The following ARHGEF12 variants were observed in gnomAD, a reference collection of about 807,000 sequenced individuals.
ARHGEF12 encodes Rho guanine nucleotide exchange factor 12, also known as KMT2A/ARHGEF12 fusion protein.
A neutral mutation model predicts 211.2 loss-of-function variants in ARHGEF12; 66 were observed. The observed-to-expected ratio is 0.31, with a 90% CI of 0.26 to 0.38. ARHGEF12 has a LOEUF of 0.38. Ranked by LOEUF, ARHGEF12 falls within the 10% of genes least tolerant of loss-of-function variation. ARHGEF12 has a pLI of 1.00. For synonymous variants in ARHGEF12, 592 were observed against 638.4 expected, an observed-to-expected ratio of 0.93 and a Z score of 1.09; for missense variants, 1,429 against 1,869.5, an observed-to-expected ratio of 0.76 and a Z score of 4.34.
intron 10 of ARHGEF12, among the ~76,000 whole-genome samples, chr11:120,431,239 G>A (rs1003598112): frequency 2.3e-4 from 35 of 151,988 alleles, no homozygotes; most frequent in Admixed American, 7.9e-4. Context: ...ACAGTGAGCC[G>A]AGATCCTGCC....
intron 14 of ARHGEF12, 62 bp from the exon 15 acceptor site, chr11:120,442,042 C>G (rs1945882252): frequency 1.6e-6 from 2 of 1,247,460 alleles, no homozygotes; most frequent in Non-Finnish European, 2.3e-6. Context: ...CAATGGTGAC[C>G]TAGCAAATTA....
intron 1 of ARHGEF12, among the ~76,000 whole-genome samples, chr11:120,372,912 A>G (rs1049815721): frequency 6.6e-6 from 1 of 152,168 alleles, no homozygotes; most frequent in African/African-American, 2.4e-5. Flanking sequence ...AGGTCACTCT[A>G]ACTGAGGAAC....
At chr11:120,416,408 A>T (rs1351573960) in intron 4 of ARHGEF12, among the ~76,000 whole-genome samples, 1 of 152,204 alleles carries the variant, frequency 6.6e-6, no homozygotes, top group Admixed American at 6.5e-5. Context: ...AGTAAGGGTG[A>T]TACAGTAGGA....
chr11:120,482,484 C>T (rs548592702), intron 39 of ARHGEF12, among the ~76,000 whole-genome samples: 4 of 152,262 alleles, frequency 2.6e-5, no homozygotes, highest in South Asian at 4.1e-4. Context: ...CGGTGGCTCA[C>T]GCCTGTAATT....
At position 120,487,869 on chromosome 11, in the gene ARHGEF12, T is replaced by C. The variant is rs938332671; in HGVS notation, c.*2792T>C. 3.6e-5 allele frequency: 8 copies of C among 219,948 alleles called. No homozygotes were observed. Among genetic ancestry groups the C allele is most frequent in the Non-Finnish European group, 6.4e-5 (7 of 109,798 alleles). The allele number at this position is 219,948 out of a possible 1,614,324, so 13.6% of individuals were successfully genotyped here. A position where few individuals can be genotyped will look rare whatever the true frequency, so the allele number is the denominator to read the frequency against. Reference sequence around the variant, plus strand: ...CCCAAAGTGCTGTAATTTAACATCATGATTACCACCTTCGAAGCTATATAT... The same window carrying C: ...CCCAAAGTGCTGTAATTTAACATCACGATTACCACCTTCGAAGCTATATAT... On this transcript the variant is annotated 3_prime_UTR_variant, in exon 41 of 41. Transcript: ENST00000397843.
intron 26 of ARHGEF12, among the ~76,000 whole-genome samples, chr11:120,459,923 G>A (rs1049245859): frequency 6.6e-6 from 1 of 152,180 alleles, no homozygotes. Context: ...GGCCAGGCTG[G>A]TCTCAAATTC....
chr11:120,424,975 G>A (rs1945295087), intron 7 of ARHGEF12, among the ~76,000 whole-genome samples: 1 of 152,218 alleles, frequency 6.6e-6, no homozygotes, highest in Middle Eastern at 3.4e-3. Flanking sequence ...AAGAATTTGT[G>A]ATCTTCAGGT....
intron 37 of ARHGEF12, among the ~76,000 whole-genome samples, chr11:120,479,419 G>T (rs997667210): frequency 3.3e-5 from 5 of 152,156 alleles, no homozygotes; most frequent in Non-Finnish European, 7.3e-5. Flanking sequence ...CTCTATCATT[G>T]TCTGGGTGAC....
At chr11:120,479,846 T>G (rs1443289205) in intron 37 of ARHGEF12, 114 bp from the exon 38 acceptor site, 1 of 819,362 alleles carries the variant, frequency 1.2e-6, no homozygotes, top group East Asian at 2.6e-5. Flanking sequence ...TAATATGTCA[T>G]TAAAAGATAC....
Position 120,336,973 on chromosome 11 carries a change from C to T in ARHGEF12, c.-271C>T. 1 of 481,212 alleles carries T rather than the reference C, an allele frequency of 2.1e-6. No individual in the cohort carries two copies. Among genetic ancestry groups the T allele is most frequent in the Non-Finnish European group, 3.7e-6 (1 of 273,002 alleles). The allele number at this position is 481,212 out of a possible 1,614,324, so 29.8% of individuals were successfully genotyped here. ...CTCTCTGAGGAAGTTTATCCTTGTG[C>T]CTTCTGGAGGATTTCTCTCTAGCTC... On this transcript the variant is annotated 5_prime_UTR_variant, in exon 1 of 41. Coordinates refer to ENST00000397843, the MANE Select transcript of ARHGEF12 (RefSeq NM_015313.3).
At chr11:120,403,895 G>A (rs1284869877) in intron 1 of ARHGEF12, among the ~76,000 whole-genome samples, 1 of 152,178 alleles carries the variant, frequency 6.6e-6, no homozygotes, top group African/African-American at 2.4e-5. Context: ...TCAGACTAAT[G>A]GTTGAACTGA....
chr11:120,435,356 G>A (rs951796508), intron 11 of ARHGEF12, among the ~76,000 whole-genome samples: 5 of 151,894 alleles, frequency 3.3e-5, no homozygotes. Context: ...ATCACATTAG[G>A]TTTGATAGTT....
intron 24 of ARHGEF12, 71 bp from the exon 25 acceptor site, chr11:120,458,009 A>G (rs1946417799): frequency 3.3e-6 from 5 of 1,500,424 alleles, no homozygotes; most frequent in East Asian, 2.3e-5. Context: ...TTATTGTAAT[A>G]TAAAGATTTG....
chr11:120,413,490 A>G (rs1206896793), intron 4 of ARHGEF12, among the ~76,000 whole-genome samples: 3 of 152,228 alleles, frequency 2.0e-5, no homozygotes, highest in Admixed American at 6.5e-5. Flanking sequence ...AATTGATGGA[A>G]TAAGATCTTC....
At position 120,478,368 on chromosome 11, in the gene ARHGEF12, G is replaced by A. The variant is rs759035837; in HGVS notation, c.3745G>A (p.Ala1249Thr). ...SHLPVSEERW[A>T]LDALRNLGLL... ...CCTGCCTGTCTCAGAAGAACGGTGG[G>A]CATTGGATGCACTAAGAAATTGTAA... Residue 1249 changes from alanine to threonine, a missense_variant, in exon 37 of 41, where the codon GCA becomes ACA. Transcript: ENST00000397843. 22 of 1,614,040 alleles carry A rather than the reference G, an allele frequency of 1.4e-5. No individual in the cohort carries two copies. Among genetic ancestry groups the A allele is most frequent in the Admixed American group, 1.7e-5 (1 of 60,004 alleles).
At chr11:120,399,780 G>GT (rs1375223263) in intron 1 of ARHGEF12, among the ~76,000 whole-genome samples, 1 of 151,962 alleles carries the variant, frequency 6.6e-6, no homozygotes, top group Non-Finnish European at 1.5e-5. Flanking sequence ...AATGCCTTAG[G>GT]TTTTTTCAAT....
At chr11:120,366,387 G>T (rs966690249) in intron 1 of ARHGEF12, among the ~76,000 whole-genome samples, 1 of 152,084 alleles carries the variant, frequency 6.6e-6, no homozygotes, top group African/African-American at 2.4e-5. Context: ...CCAACTTCTG[G>T]CCCCAAGCAG....
intron 11 of ARHGEF12, among the ~76,000 whole-genome samples, chr11:120,433,306 G>A (rs1051965951): frequency 2.0e-5 from 3 of 152,174 alleles, no homozygotes; most frequent in African/African-American, 7.2e-5. Flanking sequence ...GGGCAACCTG[G>A]CATATTAGGG....
chr11:120,419,126 ATT>A (rs1280385506), intron 4 of ARHGEF12, among the ~76,000 whole-genome samples: 2 of 151,578 alleles, frequency 1.3e-5, no homozygotes, highest in African/African-American at 4.8e-5. Context: ...CGTTCGGCTA[ATT>A]TTTTTGTATT....
Sources: allele counts gnomAD v4.1 joint callset (sites outside exome capture counted in the v4.1 genomes callset), GRCh38; gene constraint gnomAD v4.1.1; transcripts MANE v1.5; gene names NCBI Gene and HGNC (gene_info 2026-07-23, HGNC 2026-07-21).